Variants in KAT6B observed in about 807,000 individuals in gnomAD.
KAT6B encodes histone acetyltransferase KAT6B.
In KAT6B, 10 loss-of-function variants were observed where a neutral mutation model predicts 187.5. The observed-to-expected ratio is 0.05, with a 90% CI of 0.03 to 0.09. The LOEUF (loss-of-function observed/expected upper bound fraction) is 0.09. Among genes scored for constraint, KAT6B ranks in the 10% least tolerant of loss-of-function variants. KAT6B has a pLI of 1.00. For missense variants in KAT6B, 1,952 were observed against 2,558.9 expected, an observed-to-expected ratio of 0.76 and a Z score of 5.12; for synonymous variants, 861 against 926.8, an observed-to-expected ratio of 0.93 and a Z score of 1.29.
rs773473193 is a variant in KAT6B at position 75,031,011 on chromosome 10, A to G, written c.6187A>G (p.Lys2063Glu). The change falls in exon 18 of 18, where the codon AAA (lysine) becomes GAA (glutamate). Residue 2063 changes from lysine (K) to glutamate (E), a missense_variant. Physicochemically the swap from Lys to Glu is moderately conservative, Grantham distance 56. This residue lies in a region of KAT6B where 358 missense variants were observed against 436.3 expected (regional missense o/e 0.82). Transcript: ENST00000287239. ...CGGCTACATGAACACAGGCATGTCC[A>G]AACAGTCTCTCAATGGCTCCTACAT... ...HHGYMNTGMSKQSLNGSYMRR is the reference protein window; with the variant it reads ...HHGYMNTGMSEQSLNGSYMRR The G allele has an allele frequency of 6.2e-7, 1 of 1,614,192 alleles. No individual in the cohort carries two copies. The highest frequency in any genetic ancestry group is 8.5e-7 in the Non-Finnish European group (1 of 1,180,026).
intron 15 of KAT6B, 69 bp from the exon 16 acceptor site, chr10:75,021,812 T>G: frequency 6.4e-7 from 1 of 1,561,650 alleles, no homozygotes; most frequent in South Asian, 1.1e-5. Flanking sequence ...CACTTTGCCA[T>G]TGATCCTCAG....
chr10:74,971,104 A>G (rs1220272310), intron 6 of KAT6B, among the ~76,000 whole-genome samples: 1 of 152,172 alleles, frequency 6.6e-6, no homozygotes, highest in African/African-American at 2.4e-5. Flanking sequence ...TGCTTCAGTC[A>G]CATACATTAT....
At chr10:75,008,851 C>T (rs1844398648) in intron 13 of KAT6B, among the ~76,000 whole-genome samples, 1 of 152,108 alleles carries the variant, frequency 6.6e-6, no homozygotes, top group Admixed American at 6.5e-5. Context: ...GAAATACCTC[C>T]CTGCCAATTT....
intron 3 of KAT6B, among the ~76,000 whole-genome samples, chr10:74,914,881 C>G (rs1221451566): frequency 2.6e-5 from 4 of 152,054 alleles, no homozygotes; most frequent in African/African-American, 9.6e-5. Context: ...CACTGGAGGC[C>G]AGGAGTTTGA....
chr10:75,019,172 A>C (rs1241906895), intron 13 of KAT6B, among the ~76,000 whole-genome samples: 1 of 152,216 alleles, frequency 6.6e-6, no homozygotes, highest in African/African-American at 2.4e-5. Flanking sequence ...TCACTGTAAA[A>C]TGTTGCGGTG....
At chr10:74,958,835 C>T (rs900358603) in intron 3 of KAT6B, among the ~76,000 whole-genome samples, 17 of 151,532 alleles carry the variant, frequency 1.1e-4, no homozygotes, top group Non-Finnish European at 2.4e-4. Context: ...GTCAGAAGAT[C>T]GAGACCATCC....
intron 13 of KAT6B, among the ~76,000 whole-genome samples, chr10:75,014,634 A>C (rs567507988): frequency 6.6e-6 from 1 of 152,214 alleles, no homozygotes; most frequent in Non-Finnish European, 1.5e-5. Context: ...AGTATAAACC[A>C]TTGCTATTCA....
chr10:74,905,176 C>G (rs550368357), intron 3 of KAT6B, among the ~76,000 whole-genome samples: 1 of 152,170 alleles, frequency 6.6e-6, no homozygotes, highest in East Asian at 1.9e-4. Context: ...CAAAAAAACA[C>G]AGATGTCCTT....
chr10:74,958,896 G>A (rs1205509233), intron 3 of KAT6B, among the ~76,000 whole-genome samples: 1 of 151,894 alleles, frequency 6.6e-6, no homozygotes, highest in South Asian at 2.1e-4. Flanking sequence ...AAATTAGCCG[G>A]GTTTGGTGGC....
At chr10:74,989,964 A>G (rs537003350) in intron 13 of KAT6B, among the ~76,000 whole-genome samples, 133 of 152,246 alleles carry the variant, frequency 8.7e-4, no homozygotes, top group African/African-American at 3.1e-3. Flanking sequence ...TGGGAGGCCA[A>G]GGCAGGTGGG....
At chr10:74,909,150 C>T (rs191005944) in intron 3 of KAT6B, among the ~76,000 whole-genome samples, 14 of 152,332 alleles carry the variant, frequency 9.2e-5, no homozygotes, top group Admixed American at 5.2e-4. Context: ...GTGGGCAGAT[C>T]ACCTTAGGTC....
intron 8 of KAT6B, chr10:74,976,651 T>A (rs1842181471): frequency 2.5e-6 from 1 of 407,360 alleles, no homozygotes; most frequent in African/African-American, 2.1e-5. Context: ...GCCATGCTTC[T>A]GCCATGCTCT....
chr10:75,014,795 C>T (rs958405645), intron 13 of KAT6B, among the ~76,000 whole-genome samples: 35 of 152,158 alleles, frequency 2.3e-4, no homozygotes, highest in Admixed American at 2.1e-3. Flanking sequence ...CTGCACGAAG[C>T]GATTTGGCAA....
At chr10:74,861,671 A>C (rs1402962962) in intron 3 of KAT6B, among the ~76,000 whole-genome samples, 1 of 152,230 alleles carries the variant, frequency 6.6e-6, no homozygotes, top group African/African-American at 2.4e-5. Flanking sequence ...TTTCCTGATG[A>C]AGAAAACTTC....
chr10:75,009,098 A>G (rs1364848453), intron 13 of KAT6B, among the ~76,000 whole-genome samples: 1 of 152,200 alleles, frequency 6.6e-6, no homozygotes, highest in Non-Finnish European at 1.5e-5. Context: ...ATATACCCCC[A>G]TGAGTATGTG....
intron 3 of KAT6B, among the ~76,000 whole-genome samples, chr10:74,897,365 G>C (rs1455642889): frequency 1.3e-5 from 2 of 152,160 alleles, no homozygotes; most frequent in African/African-American, 4.8e-5. Context: ...GAAGTAATCT[G>C]ATTGTGCACC....
At chr10:74,971,868 T>G (rs1467754339) in intron 6 of KAT6B, among the ~76,000 whole-genome samples, 1 of 152,122 alleles carries the variant, frequency 6.6e-6, no homozygotes, top group Non-Finnish European at 1.5e-5. Context: ...GATAGCTATT[T>G]GTTCTATCAT....
intron 3 of KAT6B, among the ~76,000 whole-genome samples, chr10:74,949,531 C>G (rs1228559988): frequency 6.6e-6 from 1 of 152,226 alleles, no homozygotes; most frequent in Non-Finnish European, 1.5e-5. Flanking sequence ...AATAGAATCA[C>G]TTTCCTTAAT....
At chr10:74,871,237 G>T (rs1696552346) in intron 3 of KAT6B, among the ~76,000 whole-genome samples, 1 of 130,842 alleles carries the variant, frequency 7.6e-6, no homozygotes, top group South Asian at 2.5e-4. Flanking sequence ...CTGTCACCCA[G>T]GCTGGAGTGC....
Sources: gnomAD v4.1 joint callset for allele counts (sites outside exome capture counted in the v4.1 genomes callset) on GRCh38, gnomAD v4.1.1 for gene constraint, gnomAD v4.1.1 regional missense constraint, MANE v1.5 for transcripts, NCBI Gene and HGNC (gene_info 2026-07-23, HGNC 2026-07-21) for gene names.